KALRN: variants seen among roughly 807,000 people sequenced by gnomAD.
KALRN encodes kalirin RhoGEF kinase.
In KALRN, 70 loss-of-function variants were observed where a neutral mutation model predicts 353.7. The observed-to-expected ratio is 0.20, with a 90% CI of 0.16 to 0.24. The LOEUF (loss-of-function observed/expected upper bound fraction) is 0.24. Among genes scored for constraint, KALRN ranks in the 10% least tolerant of loss-of-function variants. The pLI is 1.00. For synonymous variants in KALRN, 1,391 were observed against 1,434.8 expected, an observed-to-expected ratio of 0.97 and a Z score of 0.69; for missense variants, 2,791 against 3,756.7, an observed-to-expected ratio of 0.74 and a Z score of 6.72.
At chr3:124,143,051 A>T (rs1266592025) in intron 1 of KALRN, among the ~76,000 whole-genome samples, 1 of 152,002 alleles carries the variant, frequency 6.6e-6, no homozygotes, top group Non-Finnish European at 1.5e-5. Flanking sequence ...TACTAGGCAC[A>T]TAGTAGGTGT....
intron 55 of KALRN, 113 bp from the exon 56 acceptor site, chr3:124,699,756 C>A: frequency 9.9e-7 from 1 of 1,009,110 alleles, no homozygotes; most frequent in Non-Finnish European, 1.5e-6. Context: ...ACGGTAACCA[C>A]AAGCATCCCT....
Position 124,296,676 on chromosome 3 carries a change from G to C in KALRN, c.970-2115G>C, listed in dbSNP as rs901040823. On this transcript the variant is annotated intron_variant, in intron 5 of 59. Coordinates refer to ENST00000682506, the MANE Select transcript of KALRN (RefSeq NM_001388419.1). ...CTGAAGCCTGTGTGCAAGGCTCTTT[G>C]TGGTCAGTCTGTCCCACCTGCCTCC... is the stretch of plus-strand genomic sequence containing the variant. 4.6e-5 allele frequency among the ~76,000 whole-genome samples: 7 copies of C among 152,350 alleles called. No individual in the cohort carries two copies. The East Asian group carries it at 1.3e-3, about 29-fold the overall frequency.
intron 33 of KALRN, among the ~76,000 whole-genome samples, chr3:124,525,068 G>A (rs866375979): frequency 1.5e-4 from 23 of 152,150 alleles, no homozygotes; most frequent in Admixed American, 1.2e-3. Context: ...GTTTTTACTG[G>A]TTCTGAAAAC....
chr3:124,205,021 T>G (rs2076291715), intron 1 of KALRN, among the ~76,000 whole-genome samples: 1 of 152,236 alleles, frequency 6.6e-6, no homozygotes, highest in South Asian at 2.1e-4. Context: ...TTGCAAAGTC[T>G]GCAATCCAGG....
intron 22 of KALRN, among the ~76,000 whole-genome samples, chr3:124,455,775 A>G (rs114041526): frequency 0.016 from 2,469 of 152,246 alleles, 40 homozygotes; most frequent in African/African-American, 0.036. Context: ...AAGGGGTGCA[A>G]TTTGTACAAG....
chr3:124,661,263 A>G (rs945319771), intron 44 of KALRN, among the ~76,000 whole-genome samples: 1 of 152,328 alleles, frequency 6.6e-6, no homozygotes, highest in Admixed American at 6.5e-5. Flanking sequence ...AATATCCTTC[A>G]GAGATTAGAT....
intron 13 of KALRN, among the ~76,000 whole-genome samples, chr3:124,399,592 G>A (rs1239745003): frequency 1.3e-5 from 2 of 152,220 alleles, no homozygotes; most frequent in African/African-American, 2.4e-5. Context: ...CCTTAGAGCT[G>A]ATAATATAAA....
In KALRN at chr3:124,325,865, G is replaced by A. The variant is rs897944589; in HGVS notation, c.1093-115G>A. The A allele has an allele frequency of 3.1e-5, 24 of 769,976 alleles. 1 individual carries two copies. Among genetic ancestry groups the A allele is most frequent in the Non-Finnish European group, 5.2e-5 (24 of 458,036 alleles). 47.7% of individuals were successfully genotyped at this position (769,976 alleles called of 1,614,324 possible). A position where few individuals can be genotyped will look rare whatever the true frequency, so the allele number is the denominator to read the frequency against. On this transcript the variant is annotated intron_variant, in intron 6 of 59. Coordinates refer to ENST00000682506, the MANE Select transcript of KALRN (RefSeq NM_001388419.1). ...AAATACACTAGTATGGACTGTACCA[G>A]CGTCTCTCAGACTTTTGTTTTGGGC...
intron 1 of KALRN, among the ~76,000 whole-genome samples, chr3:124,161,332 A>G (rs927538627): frequency 2.0e-5 from 3 of 152,186 alleles, no homozygotes; most frequent in Non-Finnish European, 4.4e-5. Context: ...ACTCAACACA[A>G]TATATTATTG....
chr3:124,620,975 G>A (rs2079206295), intron 34 of KALRN, among the ~76,000 whole-genome samples: 1 of 152,244 alleles, frequency 6.6e-6, no homozygotes, highest in South Asian at 2.1e-4. Flanking sequence ...GCCTGCAGTA[G>A]TTGAGGGAGA....
At chr3:124,491,213 G>A in intron 30 of KALRN, 110 bp from the exon 31 acceptor site, 1 of 645,720 alleles carries the variant, frequency 1.5e-6, no homozygotes, top group Admixed American at 3.3e-5. Context: ...ATTGACAGAA[G>A]CCCCTCCCTC....
intron 21 of KALRN, among the ~76,000 whole-genome samples, chr3:124,447,882 G>A (rs1432736633): frequency 6.6e-6 from 1 of 152,200 alleles, no homozygotes; most frequent in East Asian, 1.9e-4. Context: ...AATGCAAAAA[G>A]CTATGAGCAC....
At chr3:124,467,276 C>T (rs1326400355) in intron 25 of KALRN, among the ~76,000 whole-genome samples, 1 of 152,176 alleles carries the variant, frequency 6.6e-6, no homozygotes, top group Non-Finnish European at 1.5e-5. Flanking sequence ...GCGACTGAAC[C>T]ACAGCCACAT....
intron 1 of KALRN, among the ~76,000 whole-genome samples, chr3:124,104,321 G>C (rs577677167): frequency 6.6e-6 from 1 of 152,156 alleles, no homozygotes. Flanking sequence ...TCTTGTCTTC[G>C]TGAAGTGTTA....
At chr3:124,705,564 A>G (rs1213963009) in intron 57 of KALRN, among the ~76,000 whole-genome samples, 3 of 152,146 alleles carry the variant, frequency 2.0e-5, no homozygotes, top group Non-Finnish European at 4.4e-5. Flanking sequence ...TAAAAGGAGG[A>G]TGCTAAAATT....
chr3:124,140,440 G>C (rs1438693351), intron 1 of KALRN, among the ~76,000 whole-genome samples: 1 of 152,200 alleles, frequency 6.6e-6, no homozygotes, highest in Non-Finnish European at 1.5e-5. Context: ...CTCTGTCTCT[G>C]TCAGACCTTA....
At chr3:124,600,550 G>C (rs772912762) in intron 34 of KALRN, among the ~76,000 whole-genome samples, 1 of 152,126 alleles carries the variant, frequency 6.6e-6, no homozygotes, top group Non-Finnish European at 1.5e-5. Context: ...CATAGAAACT[G>C]ATTTAGTTTG....
chr3:124,707,431 T>TTCCC lies in KALRN; in HGVS notation c.8075+5318_8075+5319insCTCC, dbSNP rs1553741248. Among the ~76,000 whole-genome samples, 296 of 133,436 alleles carry TTCCC rather than the reference T, an allele frequency of 2.2e-3. 5 individuals are homozygous for TTCCC. Among genetic ancestry groups the TTCCC allele is most frequent in the African/African-American group, 8.2e-3 (247 of 30,048 alleles). The allele number at this position is 133,436 out of a possible 152,430, so 87.5% of individuals were successfully genotyped here. ...CTTCCTTCCTTCCTTCCTTCCTTCCTTCCTTCCTTCCTTCCCTCCTTCCTT... is the reference window on the plus strand; with the variant it reads ...CTTCCTTCCTTCCTTCCTTCCTTCCTTCCCTCCTTCCTTCCTTCCCTCCTTCCTT... On this transcript the variant is annotated intron_variant, in intron 57 of 59. Transcript: ENST00000682506.
At chr3:124,329,300 T>C (rs58548468) in intron 7 of KALRN, among the ~76,000 whole-genome samples, 10,067 of 152,244 alleles carry the variant, frequency 0.066, 1,084 homozygotes, top group African/African-American at 0.23. Context: ...TTTCCACCCT[T>C]CAGGGGACTG....
Sources: allele counts gnomAD v4.1 joint callset (sites outside exome capture counted in the v4.1 genomes callset), GRCh38; gene constraint gnomAD v4.1.1; transcripts MANE v1.5; gene names NCBI Gene and HGNC (gene_info 2026-07-23, HGNC 2026-07-21).